The following CHRDL1 variants were observed in gnomAD, a reference collection of about 807,000 sequenced individuals.
CHRDL1 encodes the protein chordin like 1.
Under a neutral mutation model 40.9 loss-of-function variants are expected in CHRDL1, and 19 were observed. The ratio of observed to expected loss-of-function variants is 0.46; its 90% CI spans 0.32 to 0.68. The LOEUF (loss-of-function observed/expected upper bound fraction) is 0.68. Among genes scored for constraint, CHRDL1 ranks in the 30% least tolerant of loss-of-function variants. CHRDL1 has a pLI of 0.03. For synonymous variants in CHRDL1, 136 were observed against 123.4 expected, an observed-to-expected ratio of 1.10 and a Z score of -0.68; for missense variants, 329 against 352.1, an observed-to-expected ratio of 0.93 and a Z score of 0.53.
chrX:110,746,881 A>C (rs1365320270), intron 4 of CHRDL1, among the ~76,000 whole-genome samples: 1 of 111,698 alleles, frequency 9.0e-6, no homozygotes, highest in Non-Finnish European at 1.9e-5. Context: ...TCCCATATCA[A>C]CTTTCTTGTT....
chrX:110,694,521 A>T (rs373681239), intron 7 of CHRDL1, among the ~76,000 whole-genome samples, 190 bp from the exon 8 acceptor site: 4 of 110,843 alleles, frequency 3.6e-5, no homozygotes, highest in African/African-American at 9.8e-5. Flanking sequence ...TTTCATTAAA[A>T]TTTTTTTTTA....
chrX:110,755,950 A>G (rs907227750), intron 4 of CHRDL1, among the ~76,000 whole-genome samples: 2 of 111,992 alleles, frequency 1.8e-5, no homozygotes, highest in African/African-American at 6.5e-5. Flanking sequence ...TATTAAGTAA[A>G]GAGACTAAAA....
intron 6 of CHRDL1, among the ~76,000 whole-genome samples, chrX:110,711,837 C>T (rs972969683): frequency 8.9e-6 from 1 of 112,042 alleles, no homozygotes; most frequent in African/African-American, 3.2e-5. Context: ...TGAACACTGA[C>T]TAATATACTT....
At chrX:110,770,325 T>C (rs915168455) in intron 2 of CHRDL1, among the ~76,000 whole-genome samples, 1 of 108,348 alleles carries the variant, frequency 9.2e-6, no homozygotes, top group Non-Finnish European at 1.9e-5. Flanking sequence ...AAATAGTCTG[T>C]GGGTTGAAGA....
chrX:110,764,029 G>T (rs2089614203), intron 2 of CHRDL1, among the ~76,000 whole-genome samples: 1 of 111,732 alleles, frequency 8.9e-6, no homozygotes, highest in African/African-American at 3.3e-5. Context: ...TCATATGTTT[G>T]TTGGGCATTT....
rs1297871642 is a variant in CHRDL1 at position 110,759,693 on chromosome X, T to C, written c.269A>G (p.His90Arg). Residue 90 changes from histidine (H) to arginine (R), a missense_variant, in exon 4 of 12, where the codon CAT becomes CGT. Transcript: ENST00000372042. Reference protein sequence around the residue: ...CPNVHCLSPVHIPHLCCPRCP... With the variant: ...CPNVHCLSPVRIPHLCCPRCP... ...GCGAGGGCAGCACAGATGAGGAATA[T>C]GCACAGGAGAAAGGCAATGAACATT... 4 of 1,205,750 alleles carry C rather than the reference T, an allele frequency of 3.3e-6. No individual in the cohort carries two copies. The highest frequency in any genetic ancestry group is 1.8e-5 in the South Asian group (1 of 56,799).
At chrX:110,736,004 A>G (rs1351319968) in intron 4 of CHRDL1, among the ~76,000 whole-genome samples, 3 of 112,158 alleles carry the variant, frequency 2.7e-5, no homozygotes. Flanking sequence ...TTTGTTTGGA[A>G]AACTGTTAGC....
chrX:110,715,558 T>C (rs1418718780), intron 6 of CHRDL1, among the ~76,000 whole-genome samples: 1 of 111,916 alleles, frequency 8.9e-6, no homozygotes, highest in Non-Finnish European at 1.9e-5. Flanking sequence ...TTAAATAGTT[T>C]GTCCAAGATA....
In CHRDL1 at chrX:110,725,409, C is replaced by A. The variant is rs185307545; in HGVS notation, c.302-3879G>T. Among the ~76,000 whole-genome samples the A allele has an allele frequency of 3.7e-4, 41 of 111,769 alleles. 1 individual carries two copies. The highest frequency in any genetic ancestry group is 1.3e-3 in the African/African-American group (39 of 30,819). The stretch of plus-strand genomic sequence containing the variant: ...AGAATTATATGAGAGGGTACACTTA[C>A]ACCTTGTCACTAACTAACACCTCAG... On this transcript the variant is annotated intron_variant, in intron 4 of 11. Transcript: ENST00000372042.
chrX:110,782,973 T>C (rs1188662735), intron 2 of CHRDL1, among the ~76,000 whole-genome samples: 2 of 112,101 alleles, frequency 1.8e-5, no homozygotes, highest in African/African-American at 6.5e-5. Context: ...TGGCTAATTA[T>C]GACCCAGACA....
intron 9 of CHRDL1, among the ~76,000 whole-genome samples, chrX:110,687,938 T>C (rs1205257598): frequency 2.7e-5 from 3 of 112,042 alleles, no homozygotes; most frequent in Admixed American, 9.5e-5. Context: ...GGGCTGGAAG[T>C]GACTTGGGTT....
At chrX:110,737,491 T>C (rs773319222) in intron 4 of CHRDL1, among the ~76,000 whole-genome samples, 40 of 111,678 alleles carry the variant, frequency 3.6e-4, no homozygotes, top group African/African-American at 1.2e-3. Context: ...ATGCAGAATC[T>C]CACACCCACA....
At chrX:110,783,162 T>C (rs1325569295) in intron 2 of CHRDL1, among the ~76,000 whole-genome samples, 1 of 112,305 alleles carries the variant, frequency 8.9e-6, no homozygotes, top group Non-Finnish European at 1.9e-5. Flanking sequence ...AGATTTGCTC[T>C]TGTTGTCCAG....
intron 4 of CHRDL1, among the ~76,000 whole-genome samples, chrX:110,751,715 C>T (rs2982576): frequency 0.41 from 45,070 of 110,326 alleles, 10,254 homozygotes; most frequent in African/African-American, 0.87. Context: ...AGTATGGAGG[C>T]TTCTTAAAAA....
Position 110,682,962 on chromosome X carries a change from A to G in CHRDL1, c.989-1313T>C, listed in dbSNP as rs975953534. ...TTTTTAAATGGGTTGGAGAGAGGGA[A>G]GAGGTCACTGAGTGTACAGAGACTT... On this transcript the variant is annotated intron_variant, in intron 9 of 11. Transcript: ENST00000372042. Among the ~76,000 whole-genome samples the G allele has an allele frequency of 2.7e-5, 3 of 112,276 alleles. No homozygotes were observed. The East Asian group carries it at 8.4e-4, about 31-fold the overall frequency.
chrX:110,738,456 G>A (rs988865368), intron 4 of CHRDL1, among the ~76,000 whole-genome samples: 5 of 111,616 alleles, frequency 4.5e-5, no homozygotes, highest in Admixed American at 1.9e-4. Flanking sequence ...CACCTGAACC[G>A]AGAAGTAGCT....
chrX:110,696,764 A>C (rs1309890045), intron 7 of CHRDL1, among the ~76,000 whole-genome samples: 1 of 111,196 alleles, frequency 9.0e-6, no homozygotes, highest in African/African-American at 3.3e-5. Flanking sequence ...TCCTTATGTA[A>C]GTGGTTTGGG....
chrX:110,688,614 C>T lies in CHRDL1; in HGVS notation c.968G>A (p.Cys323Tyr). Residue 323 changes from cysteine to tyrosine, a missense_variant, in exon 9 of 12, where the codon TGT becomes TAT. Coordinates refer to ENST00000372042, the MANE Select transcript of CHRDL1 (RefSeq NM_001143981.2). ...QKIDGKCCKVCPGKKAKEELP... is the reference protein window; with the variant it reads ...QKIDGKCCKVYPGKKAKEELP... ...CGCACCTTTTGCTTTTTTACCTGGA[C>T]ACACCTTGCAGCATTTTCCGTCTAT... 4 of 1,210,420 alleles carry T rather than the reference C, an allele frequency of 3.3e-6. No individual in the cohort carries two copies. The highest frequency in any genetic ancestry group is 4.5e-6 in the Non-Finnish European group (4 of 894,637).
intron 6 of CHRDL1, among the ~76,000 whole-genome samples, chrX:110,701,268 T>C (rs1247662666): frequency 9.0e-6 from 1 of 111,476 alleles, no homozygotes; most frequent in African/African-American, 3.3e-5. Flanking sequence ...GAGCTGTGGA[T>C]ATACCTCAAC....
Sources: gnomAD v4.1 joint callset for allele counts (sites outside exome capture counted in the v4.1 genomes callset) on GRCh38, gnomAD v4.1.1 for gene constraint, MANE v1.5 for transcripts, NCBI Gene and HGNC (gene_info 2026-07-23, HGNC 2026-07-21) for gene names.